CDKL5: variants seen among roughly 807,000 people sequenced by gnomAD.
The protein encoded by CDKL5 is cyclin-dependent kinase-like 5.
A neutral mutation model predicts 61.7 loss-of-function variants in CDKL5; 8 were observed. The observed-to-expected ratio is 0.13, with a 90% CI of 0.08 to 0.23. The LOEUF is 0.23. Ranked by LOEUF, CDKL5 falls within the 10% of genes least tolerant of loss-of-function variation. The pLI, the probability that CDKL5 is intolerant of heterozygous loss-of-function variation, is 1.00. For synonymous variants in CDKL5, 275 were observed against 272.3 expected (o/e 1.01, Z -0.10); for missense variants, 440 against 734.5 (o/e 0.60, Z 4.63).
At chrX:18,482,018 A>C (rs1299404640) in intron 1 of CDKL5, among the ~76,000 whole-genome samples, 1 of 111,189 alleles carries the variant, frequency 9.0e-6, no homozygotes, top group Non-Finnish European at 1.9e-5. Context: ...GCATGTAAGG[A>C]AGTGAGTCCT....
At chrX:18,647,489 A>C (rs914657413) in intron 20 of CDKL5, 2 of 522,125 alleles carry the variant, frequency 3.8e-6, no homozygotes, top group Admixed American at 5.7e-5. Flanking sequence ...CTGTGTCTTC[A>C]ACGGTTCACT....
At chrX:18,569,786 G>A (rs1386626508) in intron 4 of CDKL5, among the ~76,000 whole-genome samples, 1 of 110,630 alleles carries the variant, frequency 9.0e-6, no homozygotes, top group Non-Finnish European at 1.9e-5. Flanking sequence ...TAAGGTGATG[G>A]AGTGAGGGGA....
downstream of CDKL5, chrX:18,642,235 C>G: frequency 9.7e-7 from 1 of 1,032,212 alleles, no homozygotes; most frequent in Middle Eastern, 2.6e-4. Flanking sequence ...GAGCTAGCCC[C>G]AACTTTTAAC....
intron 1 of CDKL5, among the ~76,000 whole-genome samples, chrX:18,443,391 G>T (rs1931798528): frequency 9.0e-6 from 1 of 111,384 alleles, no homozygotes; most frequent in Non-Finnish European, 1.9e-5. Flanking sequence ...GTGAAGTTTT[G>T]TTACATAGGT....
At chrX:18,622,399 T>C (rs1269032825) in intron 16 of CDKL5, among the ~76,000 whole-genome samples, 1 of 112,147 alleles carries the variant, frequency 8.9e-6, no homozygotes, top group Non-Finnish European at 1.9e-5. Flanking sequence ...TTAAGGGCTT[T>C]GGGATTTCCA....
chrX:18,461,538 G>C (rs772574848), intron 1 of CDKL5, among the ~76,000 whole-genome samples: 1 of 111,948 alleles, frequency 8.9e-6, no homozygotes, highest in South Asian at 3.7e-4. Context: ...CAAGACACAC[G>C]GTCTTTGAAG....
Sources: gnomAD v4.1 joint callset for allele counts (sites outside exome capture counted in the v4.1 genomes callset) on GRCh38, gnomAD v4.1.1 for gene constraint, MANE v1.5 for transcripts, NCBI Gene and HGNC (gene_info 2026-07-23, HGNC 2026-07-21) for gene names.